The following KLF7 variants were observed in gnomAD, a reference collection of about 807,000 sequenced individuals.
KLF7 encodes Krueppel-like factor 7.
In KLF7, 2 loss-of-function variants were observed where a neutral mutation model predicts 27.3. The observed-to-expected ratio is 0.07, with a 90% CI of 0.03 to 0.23. The LOEUF is 0.23. Among genes scored for constraint, KLF7 ranks in the 10% least tolerant of loss-of-function variants. The pLI is 1.00. For synonymous variants in KLF7, 165 were observed against 162.4 expected, an observed-to-expected ratio of 1.02 and a Z score of -0.12; for missense variants, 221 against 394.1, an observed-to-expected ratio of 0.56 and a Z score of 3.72.
At chr2:207,139,545 T>TA (rs2077882364) in intron 1 of KLF7, among the ~76,000 whole-genome samples, 1 of 152,140 alleles carries the variant, frequency 6.6e-6, no homozygotes, top group Non-Finnish European at 1.5e-5. Context: ...CAAAACATTC[T>TA]AAAAATCCAA....
intron 2 of KLF7, among the ~76,000 whole-genome samples, chr2:207,120,719 G>C (rs1233877513): frequency 2.0e-5 from 3 of 152,182 alleles, no homozygotes; most frequent in Non-Finnish European, 2.9e-5. Flanking sequence ...TCCAGTCCTT[G>C]TATCAGCAGC....
intron 1 of KLF7, among the ~76,000 whole-genome samples, chr2:207,164,903 T>C (rs1421393430): frequency 6.6e-6 from 1 of 152,140 alleles, no homozygotes; most frequent in Non-Finnish European, 1.5e-5. Flanking sequence ...TGGGCTCTTC[T>C]CTCTTTTGCC....
chr2:207,083,687 G>A (rs565184006), intron 3 of KLF7, among the ~76,000 whole-genome samples: 1 of 152,300 alleles, frequency 6.6e-6, no homozygotes, highest in East Asian at 1.9e-4. Context: ...ACATGATAAA[G>A]AATTAAAGTT....
intron 2 of KLF7, among the ~76,000 whole-genome samples, chr2:207,097,507 T>G (rs1200923036): frequency 6.6e-6 from 1 of 152,186 alleles, no homozygotes; most frequent in African/African-American, 2.4e-5. Flanking sequence ...ACAGGGCTTC[T>G]CTATAAGACT....
At chr2:207,151,316 A>G (rs1012671752) in intron 1 of KLF7, among the ~76,000 whole-genome samples, 1 of 152,082 alleles carries the variant, frequency 6.6e-6, no homozygotes, top group African/African-American at 2.4e-5. Context: ...GGAGGCTCAC[A>G]ATTCTTGAGG....
At chr2:207,139,768 G>C (rs1215489375) in intron 1 of KLF7, among the ~76,000 whole-genome samples, 1 of 152,172 alleles carries the variant, frequency 6.6e-6, no homozygotes, top group Non-Finnish European at 1.5e-5. Context: ...TCTGGTCATT[G>C]CAAGTCTTGG....
chr2:207,138,663 T>C (rs989502401), intron 1 of KLF7, among the ~76,000 whole-genome samples: 8 of 152,206 alleles, frequency 5.3e-5, no homozygotes, highest in Non-Finnish European at 8.8e-5. Context: ...CATGACAAGA[T>C]ATGCCAATAC....
At chr2:207,112,721 C>T (rs912343575) in intron 2 of KLF7, among the ~76,000 whole-genome samples, 44 of 152,272 alleles carry the variant, frequency 2.9e-4, no homozygotes, top group African/African-American at 1.1e-3. Flanking sequence ...TCTTCCTTGT[C>T]GCACTTCCAG....
chr2:207,091,386 G>A (rs1413262274), intron 2 of KLF7, among the ~76,000 whole-genome samples: 1 of 152,172 alleles, frequency 6.6e-6, no homozygotes, highest in Admixed American at 6.5e-5. Flanking sequence ...ACTGCAGATA[G>A]CTTGACTTAG....
At chr2:207,149,454 G>A (rs577862140) in intron 1 of KLF7, among the ~76,000 whole-genome samples, 5 of 152,290 alleles carry the variant, frequency 3.3e-5, no homozygotes, top group East Asian at 1.9e-4. Flanking sequence ...GATCCATCCC[G>A]GCTGACTCCT....
At chr2:207,164,118 A>G (rs1187643921) in intron 1 of KLF7, among the ~76,000 whole-genome samples, 1 of 152,210 alleles carries the variant, frequency 6.6e-6, no homozygotes. Context: ...GGTACAGTTA[A>G]AGGATCCGCC....
Position 207,148,978 on chromosome 2 carries a change from T to C in KLF7, c.102+16489A>G, listed in dbSNP as rs1294650658. 2.6e-6 allele frequency: 3 copies of C among 1,135,052 alleles called. No individual in the cohort carries two copies. In the African/African-American group the frequency reaches 4.9e-5, roughly 19 times the overall value. 70.3% of individuals were successfully genotyped at this position (1,135,052 alleles called of 1,614,324 possible). ...CCTTAATATATGATATACCCAGTCA[T>C]TACCTGTGTCATCTACTGTCCTTCC... On this transcript the variant is annotated intron_variant, in intron 1 of 3. Transcript: ENST00000309446.
At chr2:207,166,084 T>A, upstream of KLF7, 1 of 924,082 alleles carries the variant, frequency 1.1e-6, no homozygotes, top group Non-Finnish European at 1.3e-6. Flanking sequence ...TCCCCCTCCC[T>A]TTTCTCCTCC....
chr2:207,141,838 G>T (rs2077951189), intron 1 of KLF7, among the ~76,000 whole-genome samples: 1 of 152,006 alleles, frequency 6.6e-6, no homozygotes, highest in Admixed American at 6.6e-5. Context: ...TGTCTCTTAG[G>T]GTAGTTATCA....
chr2:207,078,814 T>C lies in KLF7; in HGVS notation c.*2399A>G, dbSNP rs2076218850. ...CACCACACATTCAAATATAATCCCATGGTACGCCCTGATGGACTGGCCACA... is the reference window on the plus strand; with the variant it reads ...CACCACACATTCAAATATAATCCCACGGTACGCCCTGATGGACTGGCCACA... On this transcript the variant is annotated 3_prime_UTR_variant, in exon 4 of 4. Coordinates refer to ENST00000309446, the MANE Select transcript of KLF7 (RefSeq NM_003709.4). 2 of 152,162 alleles carry C rather than the reference T, an allele frequency of 1.3e-5. No homozygotes were observed. The highest frequency in any genetic ancestry group is 1.3e-4 in the Admixed American group (2 of 15,266). 9.4% of individuals were successfully genotyped at this position (152,162 alleles called of 1,614,324 possible).
chr2:207,089,228 T>C (rs2076456336), intron 2 of KLF7, among the ~76,000 whole-genome samples: 1 of 152,208 alleles, frequency 6.6e-6, no homozygotes, highest in Non-Finnish European at 1.5e-5. Flanking sequence ...ATCACAAAAG[T>C]CTGAGTTAGG....
intron 2 of KLF7, among the ~76,000 whole-genome samples, chr2:207,104,762 C>T (rs1263607): frequency 0.4 from 61,454 of 152,022 alleles, 13,187 homozygotes; most frequent in African/African-American, 0.54. Flanking sequence ...CTCTGCCTTT[C>T]ATATAAGCAG....
At chr2:207,166,124 C>T, upstream of KLF7, 3 of 984,304 alleles carry the variant, frequency 3.0e-6, no homozygotes, top group Non-Finnish European at 3.6e-6. Context: ...CAAACTCCCT[C>T]CCTCCGTTCG....
At position 207,078,135 on chromosome 2, in the gene KLF7, T is replaced by C. The variant is rs2076208870; in HGVS notation, c.*3078A>G. The C allele has an allele frequency of 6.6e-6, 1 of 152,190 alleles. No homozygotes were observed. Among genetic ancestry groups the C allele is most frequent in the African/African-American group, 2.4e-5 (1 of 41,446 alleles). 9.4% of individuals were successfully genotyped at this position (152,190 alleles called of 1,614,324 possible). A position where few individuals can be genotyped will look rare whatever the true frequency, so the allele number is the denominator to read the frequency against. On this transcript the variant is annotated 3_prime_UTR_variant, in exon 4 of 4. Coordinates refer to ENST00000309446, the MANE Select transcript of KLF7 (RefSeq NM_003709.4). ...TTTTATTACAAATCCATTTCCAAAA[T>C]GATCAGGACTGGTCATCATTCACAG...
Sources: allele counts gnomAD v4.1 joint callset (sites outside exome capture counted in the v4.1 genomes callset), GRCh38; gene constraint gnomAD v4.1.1; transcripts MANE v1.5; gene names NCBI Gene and HGNC (gene_info 2026-07-23, HGNC 2026-07-21).